VIT: variants seen among roughly 807,000 people sequenced by gnomAD.
The protein encoded by VIT is vitrin.
In VIT, 99 loss-of-function variants were observed where a neutral mutation model predicts 78.0. The ratio of observed to expected loss-of-function variants is 1.27; its 90% confidence interval spans 1.08 to 1.50. The LOEUF (loss-of-function observed/expected upper bound fraction) is 1.50. Among genes scored for constraint, VIT ranks in the 40% most tolerant of loss-of-function variants. The probability of loss-of-function intolerance (pLI) is 0.00; values close to 1 mark genes in which losing one functional copy is unlikely to be tolerated. For synonymous variants in VIT, 374 were observed against 334.3 expected (o/e 1.12, Z -1.29); for missense variants, 1,126 against 875.3 (o/e 1.29, Z -3.61).
At chr2:36,718,307 A>C (rs1350855534) in intron 2 of VIT, among the ~76,000 whole-genome samples, 1 of 152,144 alleles carries the variant, frequency 6.6e-6, no homozygotes, top group East Asian at 1.9e-4. Flanking sequence ...GAAGAGAAGA[A>C]GGTAATACAG....
chr2:36,751,311 G>A (rs1428625318), intron 4 of VIT, among the ~76,000 whole-genome samples: 3 of 152,150 alleles, frequency 2.0e-5, no homozygotes, highest in Non-Finnish European at 4.4e-5. Flanking sequence ...CACAAGAATC[G>A]CTTAAACCTG....
chr2:36,725,747 T>C (rs1288706432), intron 2 of VIT, among the ~76,000 whole-genome samples: 1 of 152,186 alleles, frequency 6.6e-6, no homozygotes, highest in Non-Finnish European at 1.5e-5. Context: ...AGTCCATTTA[T>C]ACCTAAATTG....
chr2:36,720,323 C>T (rs781077485), intron 2 of VIT, among the ~76,000 whole-genome samples: 1 of 152,040 alleles, frequency 6.6e-6, no homozygotes, highest in Non-Finnish European at 1.5e-5. Flanking sequence ...ATAAAGAGCC[C>T]AGAAAGAAAC....
chr2:36,724,729 A>G (rs996236916), intron 2 of VIT, among the ~76,000 whole-genome samples: 71 of 152,226 alleles, frequency 4.7e-4, no homozygotes, highest in African/African-American at 1.7e-3. Context: ...TTTTCAGCCT[A>G]AAAGGTCTTG....
chr2:36,716,396 A>G lies in VIT; in HGVS notation c.26A>G (p.Lys9Arg), dbSNP rs766515457. The G allele has an allele frequency of 1.9e-6, 3 of 1,613,982 alleles. No individual in the cohort carries two copies. The highest frequency in any genetic ancestry group is 2.5e-6 in the Non-Finnish European group (3 of 1,179,908). The change falls in exon 2 of 16, where the codon AAG becomes AGG. Residue 9 changes from lysine (K) to arginine (R), a missense_variant. By Grantham distance (26) the Lys-to-Arg change is conservative. Coordinates refer to ENST00000379242, the MANE Select transcript of VIT (RefSeq NM_053276.4). MRTVVLTM[K>R]ASVIEMFLVL... The stretch of plus-strand genomic sequence containing the variant: ...ATGAGGACTGTTGTTCTCACTATGA[A>G]GGCATCTGTTATTGAAATGTTCCTT...
chr2:36,739,044 G>A (rs1481150367), intron 3 of VIT, among the ~76,000 whole-genome samples: 1 of 152,140 alleles, frequency 6.6e-6, no homozygotes, highest in Non-Finnish European at 1.5e-5. Flanking sequence ...TCATTAAACT[G>A]AGGACTTTTT....
At chr2:36,801,899 G>C (rs1558586912) in intron 13 of VIT, among the ~76,000 whole-genome samples, 1 of 152,148 alleles carries the variant, frequency 6.6e-6, no homozygotes. Flanking sequence ...AGCATGCTTG[G>C]TTTGCAAGAA....
intron 6 of VIT, among the ~76,000 whole-genome samples, chr2:36,766,605 G>A (rs1669445637): frequency 6.6e-6 from 1 of 152,084 alleles, no homozygotes; most frequent in African/African-American, 2.4e-5. Context: ...TTACAGATTA[G>A]GAAACTGGGG....
Position 36,781,784 on chromosome 2 carries a change from C to A in VIT, c.847+13C>A. On this transcript the variant is annotated intron_variant, in intron 10 of 15. Coordinates refer to ENST00000379242, the MANE Select transcript of VIT (RefSeq NM_053276.4). ...CTTTTAGATGAAGGTAATTATACAG[C>A]CCAACCTCTCAGCCACGCGTGGATC... is the stretch of plus-strand genomic sequence containing the variant. The A allele has an allele frequency of 6.2e-7, 1 of 1,613,980 alleles. No homozygotes were observed. Among genetic ancestry groups the A allele is most frequent in the Non-Finnish European group, 8.5e-7 (1 of 1,179,926 alleles).
intron 7 of VIT, 141 bp from the exon 8 acceptor site, chr2:36,773,650 G>T: frequency 1.7e-6 from 1 of 591,628 alleles, no homozygotes; most frequent in South Asian, 6.1e-5. Flanking sequence ...AGAATCGCTT[G>T]AACCCGGAGG....
At chr2:36,745,277 GT>G (rs1417297744) in intron 4 of VIT, among the ~76,000 whole-genome samples, 3 of 151,962 alleles carry the variant, frequency 2.0e-5, no homozygotes, top group East Asian at 1.9e-4. Context: ...TTTGCTTAGA[GT>G]TTTTTTGGCT....
At chr2:36,773,749 T>A (rs1279596156) in intron 7 of VIT, 42 bp from the exon 8 acceptor site, 8 of 1,434,994 alleles carry the variant, frequency 5.6e-6, no homozygotes, top group Middle Eastern at 1.8e-4. Flanking sequence ...AATTAATTAA[T>A]TAAATAAAAT....
chr2:36,794,764 C>T (rs947331091), intron 12 of VIT, among the ~76,000 whole-genome samples: 4 of 152,124 alleles, frequency 2.6e-5, no homozygotes, highest in Middle Eastern at 3.2e-3. Context: ...TCTGATCCAA[C>T]CTTTCGATCT....
At chr2:36,701,825 C>T (rs1227626669) in intron 1 of VIT, among the ~76,000 whole-genome samples, 1 of 152,138 alleles carries the variant, frequency 6.6e-6, no homozygotes, top group East Asian at 1.9e-4. Context: ...ATCTGCACTC[C>T]AAAAGGCAAA....
intron 1 of VIT, among the ~76,000 whole-genome samples, chr2:36,707,998 G>A (rs1250134172): frequency 1.3e-5 from 2 of 152,108 alleles, no homozygotes; most frequent in Non-Finnish European, 2.9e-5. Context: ...CCCTAAGGTG[G>A]CTGCTGGTGT....
At chr2:36,746,789 T>C (rs935443086) in intron 4 of VIT, among the ~76,000 whole-genome samples, 1 of 152,102 alleles carries the variant, frequency 6.6e-6, no homozygotes, top group African/African-American at 2.4e-5. Flanking sequence ...ATTTTCACAA[T>C]TCAGTTTCAT....
chr2:36,793,754 A>G (rs183805108), intron 12 of VIT, among the ~76,000 whole-genome samples: 61 of 152,310 alleles, frequency 4.0e-4, no homozygotes, highest in South Asian at 2.1e-4. Context: ...AATTATGATT[A>G]GTTAATATTT....
At chr2:36,738,412 G>C (rs1158172784) in intron 3 of VIT, among the ~76,000 whole-genome samples, 1 of 150,716 alleles carries the variant, frequency 6.6e-6, no homozygotes, top group Non-Finnish European at 1.5e-5. Flanking sequence ...GTTTTGTAAG[G>C]ACCAAATGAA....
rs749891981 is a variant in VIT, at chr2:36,801,419, T to C, written c.1162+15T>C. 1.3e-6 allele frequency: 2 copies of C among 1,581,246 alleles called. No individual in the cohort carries two copies. The highest frequency in any genetic ancestry group is 2.2e-5 in the South Asian group (2 of 90,340). On this transcript the variant is annotated intron_variant, in intron 13 of 15. Transcript: ENST00000379242. ...TTCTAATGTAGGTATGTGATCCGGA[T>C]TCAAATTATACTATCTTGCTACCAT...
Sources: gnomAD v4.1 joint callset for allele counts (sites outside exome capture counted in the v4.1 genomes callset) on GRCh38, gnomAD v4.1.1 for gene constraint, MANE v1.5 for transcripts, NCBI Gene and HGNC (gene_info 2026-07-23, HGNC 2026-07-21) for gene names.